Variants in CCDC187 observed in about 807,000 individuals in gnomAD.
CCDC187 encodes coiled-coil domain containing 187.
Under a neutral mutation model 38.0 loss-of-function variants are expected in CCDC187, and 32 were observed. The ratio of observed to expected loss-of-function variants is 0.84; its 90% CI spans 0.64 to 1.13. The LOEUF (loss-of-function observed/expected upper bound fraction) is 1.13, where lower values mean the gene tolerates loss of function less well. CCDC187 is among the 50% of genes most tolerant of loss of function. CCDC187 has a pLI of 0.00. For synonymous variants in CCDC187, 333 were observed against 347.9 expected (o/e 0.96, Z 0.48); for missense variants, 707 against 786.8 (o/e 0.90, Z 1.21).
intron 9 of CCDC187, among the ~76,000 whole-genome samples, chr9:136,284,555 G>A (rs1419154025): frequency 2.0e-5 from 3 of 152,160 alleles, no homozygotes; most frequent in Admixed American, 6.5e-5. Context: ...GAGAGTGGCC[G>A]GGAGTGGCCC....
Position 136,281,603 on chromosome 9 carries a change from C to T in CCDC187, c.2988G>A (p.Thr996=), listed in dbSNP as rs1401566276. Residue 996 remains threonine, a synonymous_variant, in exon 10 of 26, where the codon ACG becomes ACA. Transcript: ENST00000638797. ...PIWGSLGLEE[T]PSVGGADSVA... The stretch of plus-strand genomic sequence containing the variant: ...CAGAATCTGCCCCTCCGACCGACGG[C>T]GTCTCCTCCAGTCCCAGGGAGCCCC... 3.8e-5 allele frequency: 15 copies of T among 398,616 alleles called. No homozygotes were observed. The highest frequency in any genetic ancestry group is 1.3e-4 in the South Asian group (1 of 7,860). The allele number at this position is 398,616 out of a possible 1,614,324, so 24.7% of individuals were successfully genotyped here. A position where few individuals can be genotyped will look rare whatever the true frequency, so the allele number is the denominator to read the frequency against.
In CCDC187 at chr9:136,290,870, G is replaced by A. The variant is rs1051721437; in HGVS notation, c.1743C>T (p.Ala581=). 9 of 398,568 alleles carry A rather than the reference G, an allele frequency of 2.3e-5. No homozygotes were observed. The highest frequency in any genetic ancestry group is 6.2e-5 in the African/African-American group (3 of 48,764). The allele number at this position is 398,568 out of a possible 1,614,324, so 24.7% of individuals were successfully genotyped here. Reference sequence around the variant, plus strand: ...TGCCTCTGCCCTTGCCCTGGGGGCCGGCCCTCTGCACGCCGGAGCTGCTCC... The same window carrying A: ...TGCCTCTGCCCTTGCCCTGGGGGCCAGCCCTCTGCACGCCGGAGCTGCTCC... ...RPWSSSGVQR[A]GPQGKGRGIG... The change falls in exon 6 of 26, where the codon GCC becomes GCT. Residue 581 remains alanine (A), a synonymous_variant. Coordinates refer to ENST00000638797, the MANE Select transcript of CCDC187 (RefSeq NM_001378188.1).
At chr9:136,293,839 C>G (rs1369667194) in intron 4 of CCDC187, among the ~76,000 whole-genome samples, 1 of 113,906 alleles carries the variant, frequency 8.8e-6, no homozygotes, top group Non-Finnish European at 1.9e-5. Flanking sequence ...CTACCACACA[C>G]TCGTTCTCAC....
At chr9:136,270,402 G>T (rs765861050) in intron 14 of CCDC187, among the ~76,000 whole-genome samples, 4 of 152,142 alleles carry the variant, frequency 2.6e-5, no homozygotes, top group Non-Finnish European at 4.4e-5. Flanking sequence ...CATAGGACAG[G>T]GGGCCCTTCC....
chr9:136,305,761 T>C (rs1285128915), upstream of CCDC187, among the ~76,000 whole-genome samples: 1 of 152,202 alleles, frequency 6.6e-6, no homozygotes, highest in Non-Finnish European at 1.5e-5. Flanking sequence ...AGCAAATGCC[T>C]GGGAACGGAA....
At chr9:136,278,484 C>G (rs1326054326) in intron 10 of CCDC187, among the ~76,000 whole-genome samples, 2 of 152,354 alleles carry the variant, frequency 1.3e-5, no homozygotes, top group East Asian at 3.9e-4. Context: ...AGTGAGTGCC[C>G]TGACTCCTCT....
chr9:136,293,228 CTCACACGCTCACACTCACAT>C (rs1480756997), intron 4 of CCDC187, among the ~76,000 whole-genome samples: 5 of 146,274 alleles, frequency 3.4e-5, no homozygotes, highest in East Asian at 2.0e-4. Flanking sequence ...CACACTCACA[CTCACACGCTCACACTCACAT>C]GCTTACACAC....
intron 20 of CCDC187, 140 bp downstream of exon 20, chr9:136,259,979 G>T: frequency 1.5e-6 from 1 of 669,366 alleles, no homozygotes; most frequent in Non-Finnish European, 1.8e-6. Context: ...GGGAGGCCGG[G>T]GTGGCCCGGT....
chr9:136,272,916 A>G (rs1167141036), intron 14 of CCDC187, among the ~76,000 whole-genome samples: 1 of 152,202 alleles, frequency 6.6e-6, no homozygotes, highest in Admixed American at 6.5e-5. Context: ...CATGACAACA[A>G]TAACTTAAAG....
chr9:136,270,419 G>C (rs1284154007), intron 14 of CCDC187, among the ~76,000 whole-genome samples: 1 of 152,184 alleles, frequency 6.6e-6, no homozygotes, highest in Non-Finnish European at 1.5e-5. Context: ...TTCCCTTTTA[G>C]GTAGCCGAAG....
intron 10 of CCDC187, among the ~76,000 whole-genome samples, chr9:136,277,980 C>T (rs1830965744): frequency 6.6e-6 from 1 of 152,282 alleles, no homozygotes; most frequent in East Asian, 1.9e-4. Context: ...CAGCAGAGGA[C>T]ACCCCAAAGC....
rs998394428 is a variant in CCDC187 at position 136,285,646 on chromosome 9, C to T, written c.2834-40G>A. ...CACCTGGCTTCACTCCCTGGTCAGC[C>T]GGGAGCACGGGACGGGGGACCCAAG... is the stretch of plus-strand genomic sequence containing the variant. On this transcript the variant is annotated intron_variant, in intron 8 of 25. Coordinates refer to ENST00000638797, the MANE Select transcript of CCDC187 (RefSeq NM_001378188.1). 2,197 of 399,538 alleles carry T rather than the reference C, an allele frequency of 5.5e-3. 42 individuals are homozygous for T. The highest frequency in any genetic ancestry group is 0.039 in the African/African-American group (1,915 of 48,760). 24.7% of individuals were successfully genotyped at this position (399,538 alleles called of 1,614,324 possible).
At chr9:136,282,805 G>A (rs909405180) in intron 9 of CCDC187, among the ~76,000 whole-genome samples, 23 of 152,358 alleles carry the variant, frequency 1.5e-4, no homozygotes, top group African/African-American at 5.3e-4. Flanking sequence ...AGCTGGACGT[G>A]TGCCCAGGCC....
chr9:136,279,411 C>T (rs961553674), intron 10 of CCDC187, among the ~76,000 whole-genome samples: 2 of 152,198 alleles, frequency 1.3e-5, no homozygotes, highest in African/African-American at 4.8e-5. Flanking sequence ...GTTGCCTGTC[C>T]CCCTGGGGCT....
chr9:136,290,020 CTG>C lies in CCDC187; in HGVS notation c.2159_2160del (p.Pro720ArgfsTer34). The C allele has an allele frequency of 2.5e-6, 1 of 398,780 alleles. No individual in the cohort carries two copies. The highest frequency in any genetic ancestry group is 2.1e-5 in the African/African-American group (1 of 48,744). The allele number at this position is 398,780 out of a possible 1,614,324, so 24.7% of individuals were successfully genotyped here. On this transcript the variant is annotated frameshift_variant, in exon 7 of 26. Coordinates refer to ENST00000638797, the MANE Select transcript of CCDC187 (RefSeq NM_001378188.1). LOFTEE classifies it high-confidence loss of function. ...GLEASGSLES[P>X]VLEWSKVTSG... ...GAGGTCACTTTGCTCCATTCCAGCA[CTG>C]GGGACTCCAGGCTCCCGGAGGCTTC...
chr9:136,280,357 C>T (rs1229014271), intron 10 of CCDC187, among the ~76,000 whole-genome samples: 2 of 152,204 alleles, frequency 1.3e-5, no homozygotes, highest in African/African-American at 2.4e-5. Context: ...AGGTGCATAC[C>T]AGGGCTGCAG....
In CCDC187 at chr9:136,286,182, C is replaced by T. The variant is rs961990693; in HGVS notation, c.2736G>A (p.Pro912=). The part of the protein sequence containing the change: ...VSMQPQPLLP[P]TYFLDGETLS... Reference sequence around the variant, plus strand: ...GTGTCTCGCCGTCCAGGAAGTAGGTCGGGGGCAGAAGGGGCTGGGGCTGCA... The same window carrying T: ...GTGTCTCGCCGTCCAGGAAGTAGGTTGGGGGCAGAAGGGGCTGGGGCTGCA... Residue 912 remains proline (P), a synonymous_variant, in exon 8 of 26, where the codon CCG becomes CCA. Transcript: ENST00000638797. The T allele has an allele frequency of 2.3e-5, 9 of 398,430 alleles. No homozygotes were observed. Among genetic ancestry groups the T allele is most frequent in the Admixed American group, 8.8e-5 (2 of 22,714 alleles). The allele number at this position is 398,430 out of a possible 1,614,324, so 24.7% of individuals were successfully genotyped here.
At position 136,267,434 on chromosome 9, in the gene CCDC187, C is replaced by T; in HGVS notation, c.3597G>A (p.Ala1199=). The T allele has an allele frequency of 1.0e-6, 1 of 985,536 alleles. No homozygotes were observed. Among genetic ancestry groups the T allele is most frequent in the Non-Finnish European group, 1.2e-6 (1 of 829,992 alleles). The allele number at this position is 985,536 out of a possible 1,614,324, so 61.0% of individuals were successfully genotyped here. A position where few individuals can be genotyped will look rare whatever the true frequency, so the allele number is the denominator to read the frequency against. ...QAALLRLREM[A]LQEKTLAELA... is the part of the protein sequence containing the mutation. The stretch of plus-strand genomic sequence containing the variant: ...GCTCCGCGAGCGTTTTCTCCTGGAG[C>T]GCCATCTCTCGCAGGCGCAGCAGCG... Residue 1199 remains alanine, a synonymous_variant, in exon 16 of 26, where the codon GCG becomes GCA. Transcript: ENST00000638797.
chr9:136,252,416 G>A lies in CCDC187; in HGVS notation c.*1178C>T, dbSNP rs1158178424. 1.6e-5 allele frequency: 3 copies of A among 191,070 alleles called. No individual in the cohort carries two copies. Among genetic ancestry groups the A allele is most frequent in the South Asian group, 5.8e-5 (1 of 17,254 alleles). 11.8% of individuals were successfully genotyped at this position (191,070 alleles called of 1,614,324 possible). A position where few individuals can be genotyped will look rare whatever the true frequency, so the allele number is the denominator to read the frequency against. On this transcript the variant is annotated 3_prime_UTR_variant, in exon 26 of 26. Coordinates refer to ENST00000638797, the MANE Select transcript of CCDC187 (RefSeq NM_001378188.1). Reference sequence around the variant, plus strand: ...AGGCAACCGTCCCGCACAGCCGGCCGCCCACCCTGTCCACCGGGGGAAGGT... The same window carrying A: ...AGGCAACCGTCCCGCACAGCCGGCCACCCACCCTGTCCACCGGGGGAAGGT...
Sources: gnomAD v4.1 joint callset for allele counts (sites outside exome capture counted in the v4.1 genomes callset) on GRCh38, gnomAD v4.1.1 for gene constraint, MANE v1.5 for transcripts, NCBI Gene and HGNC (gene_info 2026-07-23, HGNC 2026-07-21) for gene names.